LHCGR: variants seen among roughly 807,000 people sequenced by gnomAD.
LHCGR encodes the protein lutropin-choriogonadotropic hormone receptor.
Under a neutral mutation model 60.7 loss-of-function variants are expected in LHCGR, and 55 were observed. The observed-to-expected ratio is 0.91, with a 90% CI of 0.73 to 1.13. LHCGR has a LOEUF of 1.13. Among genes scored for constraint, LHCGR ranks in the 50% most tolerant of loss-of-function variants. The pLI is 0.00. For synonymous variants in LHCGR, 337 were observed against 316.5 expected, an observed-to-expected ratio of 1.06 and a Z score of -0.69; for missense variants, 862 against 836.0, an observed-to-expected ratio of 1.03 and a Z score of -0.38.
intron 8 of LHCGR, among the ~76,000 whole-genome samples, chr2:48,706,097 A>C (rs1329150834): frequency 1.3e-5 from 2 of 152,236 alleles, no homozygotes; most frequent in African/African-American, 4.8e-5. Flanking sequence ...TGGTGGTGAC[A>C]AAATCTCTCA....
chr2:48,694,207 T>C lies in LHCGR; in HGVS notation c.947+17A>G. ...ACAAGATACGACTTCTGAGTTTCCT[T>C]GCATGCAAATACTTACAGTGTTTTG... On this transcript the variant is annotated intron_variant, in intron 10 of 10. Transcript: ENST00000294954. 1.4e-6 allele frequency: 2 copies of C among 1,410,714 alleles called. No individual in the cohort carries two copies. The highest frequency in any genetic ancestry group is 4.6e-5 in the East Asian group (2 of 43,222). The allele number at this position is 1,410,714 out of a possible 1,614,324, so 87.4% of individuals were successfully genotyped here.
chr2:48,709,105 A>C, intron 7 of LHCGR, 83 bp from the exon 8 acceptor site: 1 of 1,034,518 alleles, frequency 9.7e-7, no homozygotes, highest in Non-Finnish European at 1.5e-6. Flanking sequence ...GTTTAGACCA[A>C]GCTATGTGCA....
rs1438442662 is a variant in LHCGR at position 48,706,101 on chromosome 2, T to C, written c.680+2847A>G. Among the ~76,000 whole-genome samples, 7 of 152,308 alleles carry C rather than the reference T, an allele frequency of 4.6e-5. No individual in the cohort carries two copies. In the East Asian group the frequency reaches 1.2e-3, roughly 25 times the overall value. ...TATGGCAGGCCTGGTGGTGACAAAA[T>C]CTCTCAGCATTTGCTTGTCTGTAAA... On this transcript the variant is annotated intron_variant, in intron 8 of 10. Coordinates refer to ENST00000294954, the MANE Select transcript of LHCGR (RefSeq NM_000233.4).
chr2:48,725,112 C>T (rs1338559744), intron 4 of LHCGR, among the ~76,000 whole-genome samples: 2 of 152,072 alleles, frequency 1.3e-5, no homozygotes, highest in Non-Finnish European at 2.9e-5. Flanking sequence ...TTGTGGCAGG[C>T]TACAGTGGTA....
At chr2:48,744,545 T>A (rs1259208192) in intron 1 of LHCGR, among the ~76,000 whole-genome samples, 6 of 88,576 alleles carry the variant, frequency 6.8e-5, no homozygotes, top group Non-Finnish European at 1.1e-4. Context: ...ACACCGCATA[T>A]CTACAACTAT....
At chr2:48,709,790 T>C (rs1476045982) in intron 7 of LHCGR, among the ~76,000 whole-genome samples, 1 of 152,166 alleles carries the variant, frequency 6.6e-6, no homozygotes, top group African/African-American at 2.4e-5. Context: ...CTGGTCCTCC[T>C]AGGCAGCCTC....
intron 9 of LHCGR, among the ~76,000 whole-genome samples, chr2:48,695,712 A>G (rs1313050202): frequency 1.3e-5 from 2 of 152,214 alleles, no homozygotes; most frequent in Non-Finnish European, 2.9e-5. Flanking sequence ...CTATGCAGCC[A>G]TAAAAAATCA....
intron 1 of LHCGR, among the ~76,000 whole-genome samples, chr2:48,734,892 A>C (rs139766723): frequency 1.4e-4 from 22 of 152,366 alleles, no homozygotes; most frequent in Admixed American, 6.5e-4. Context: ...AATTAGGGTT[A>C]CTGGGAAAAT....
chr2:48,697,984 G>C (rs890844477), intron 9 of LHCGR, among the ~76,000 whole-genome samples: 2 of 152,106 alleles, frequency 1.3e-5, no homozygotes, highest in East Asian at 3.9e-4. Context: ...AGTCAAAAAA[G>C]TCTGGAAAAC....
At chr2:48,700,829 A>G (rs1329310812) in intron 8 of LHCGR, among the ~76,000 whole-genome samples, 1 of 152,174 alleles carries the variant, frequency 6.6e-6, no homozygotes, top group Non-Finnish European at 1.5e-5. Flanking sequence ...AACAGAAGTT[A>G]TGGGGTTGAG....
At chr2:48,748,773 C>G (rs1284403427) in intron 1 of LHCGR, among the ~76,000 whole-genome samples, 1 of 152,108 alleles carries the variant, frequency 6.6e-6, no homozygotes, top group Non-Finnish European at 1.5e-5. Context: ...TTCACTATAT[C>G]TGGTCCCACT....
At chr2:48,707,510 A>C (rs575515605) in intron 8 of LHCGR, among the ~76,000 whole-genome samples, 3 of 152,328 alleles carry the variant, frequency 2.0e-5, no homozygotes, top group East Asian at 1.9e-4. Flanking sequence ...CCCTTCCCCT[A>C]GGTGCTCTGT....
intron 2 of LHCGR, among the ~76,000 whole-genome samples, 157 bp downstream of exon 2, chr2:48,731,070 C>A (rs1668963983): frequency 6.6e-6 from 1 of 152,096 alleles, no homozygotes; most frequent in Non-Finnish European, 1.5e-5. Flanking sequence ...CTTCAAAGGT[C>A]TCTAGTTATT....
At chr2:48,745,937 C>G (rs1558898129) in intron 1 of LHCGR, among the ~76,000 whole-genome samples, 1 of 151,972 alleles carries the variant, frequency 6.6e-6, no homozygotes, top group Non-Finnish European at 1.5e-5. Flanking sequence ...TTTTCATCAC[C>G]AGTGGCACTT....
rs140413686 is a variant in LHCGR at position 48,747,264 on chromosome 2, T to C, written c.161+8247A>G. 4.7e-3 allele frequency among the ~76,000 whole-genome samples: 708 copies of C among 152,120 alleles called. 4 individuals are homozygous for C. Among genetic ancestry groups the C allele is most frequent in the African/African-American group, 0.016 (674 of 41,490 alleles). Reference sequence around the variant, plus strand: ...CCACCATGCCTGGCTAATTTTTTGGTATTTTTTAGTAGAGACAAGGTTTCA... The same window carrying C: ...CCACCATGCCTGGCTAATTTTTTGGCATTTTTTAGTAGAGACAAGGTTTCA... On this transcript the variant is annotated intron_variant, in intron 1 of 10. Transcript: ENST00000294954.
intron 1 of LHCGR, among the ~76,000 whole-genome samples, chr2:48,752,379 C>G (rs1247638052): frequency 1.3e-5 from 2 of 152,146 alleles, no homozygotes; most frequent in South Asian, 2.1e-4. Context: ...GGGACTAATG[C>G]TGAATCCTAA....
chr2:48,708,772 G>A (rs1473547061), intron 8 of LHCGR, 176 bp downstream of exon 8: 5 of 680,836 alleles, frequency 7.3e-6, no homozygotes, highest in East Asian at 2.5e-5. Flanking sequence ...TAAGCCTCTC[G>A]GTTTGGGGTA....
intron 1 of LHCGR, among the ~76,000 whole-genome samples, chr2:48,740,208 C>T (rs938232113): frequency 6.6e-6 from 1 of 152,258 alleles, no homozygotes; most frequent in African/African-American, 2.4e-5. Context: ...TGGAGTCTCA[C>T]TTGTTGCTAG....
intron 8 of LHCGR, among the ~76,000 whole-genome samples, chr2:48,707,969 C>T (rs1219394307): frequency 6.6e-6 from 1 of 152,146 alleles, no homozygotes; most frequent in East Asian, 1.9e-4. Flanking sequence ...ATCCCTGGAC[C>T]CCTTGTGCTC....
Sources: gnomAD v4.1 joint callset for allele counts (sites outside exome capture counted in the v4.1 genomes callset) on GRCh38, gnomAD v4.1.1 for gene constraint, MANE v1.5 for transcripts, NCBI Gene and HGNC (gene_info 2026-07-23, HGNC 2026-07-21) for gene names.